The following TBC1D1 variants were observed in gnomAD, a reference collection of about 807,000 sequenced individuals.
TBC1D1 encodes the protein TBC1 (tre-2/USP6, BUB2, cdc16) domain family, member 1.
In TBC1D1, 89 loss-of-function variants were observed where a neutral mutation model predicts 125.6. The ratio of observed to expected loss-of-function variants is 0.71; its 90% CI spans 0.60 to 0.85. The LOEUF (loss-of-function observed/expected upper bound fraction) is 0.85, where lower values mean the gene tolerates loss of function less well. Ranked by LOEUF, TBC1D1 falls within the 40% of genes least tolerant of loss-of-function variation. The pLI is 0.00. For synonymous variants in TBC1D1, 565 were observed against 564.1 expected (o/e 1.00, Z -0.02); for missense variants, 1,377 against 1,469.2 (o/e 0.94, Z 1.03).
At chr4:38,012,509 A>C (rs1238776458) in intron 2 of TBC1D1, among the ~76,000 whole-genome samples, 5 of 152,194 alleles carry the variant, frequency 3.3e-5, no homozygotes, top group Non-Finnish European at 5.9e-5. Context: ...TCCTGAGCTC[A>C]AGCAATCCGC....
At chr4:38,091,481 C>A (rs1008655059) in intron 13 of TBC1D1, among the ~76,000 whole-genome samples, 1 of 152,206 alleles carries the variant, frequency 6.6e-6, no homozygotes, top group African/African-American at 2.4e-5. Context: ...CATGTGTCAT[C>A]AGTTAAATGA....
chr4:37,983,804 T>C (rs1345298528), intron 2 of TBC1D1, among the ~76,000 whole-genome samples: 5 of 152,226 alleles, frequency 3.3e-5, no homozygotes, highest in African/African-American at 9.6e-5. Context: ...GTTGGTGATA[T>C]ACATTCTACA....
chr4:37,933,882 G>T (rs1723838216), intron 2 of TBC1D1, among the ~76,000 whole-genome samples: 1 of 152,154 alleles, frequency 6.6e-6, no homozygotes, highest in Non-Finnish European at 1.5e-5. Context: ...GAAAAAAAAG[G>T]CACTTTCAAG....
At chr4:37,892,000 A>C (rs984692255) in intron 1 of TBC1D1, among the ~76,000 whole-genome samples, 4 of 151,970 alleles carry the variant, frequency 2.6e-5, no homozygotes, top group African/African-American at 7.3e-5. Flanking sequence ...ATTTTACTTA[A>C]CATAGCTTAT....
At chr4:37,891,397 C>T (rs1443034860) in intron 1 of TBC1D1, 49 bp downstream of exon 1, 1 of 152,424 alleles carries the variant, frequency 6.6e-6, no homozygotes, top group East Asian at 1.9e-4. Context: ...TGGCTCCTCT[C>T]GGGGCGTCGC....
chr4:37,902,220 G>A lies in TBC1D1; in HGVS notation c.125G>A (p.Trp42Ter). The change falls in exon 2 of 20, where the codon TGG (tryptophan) becomes TAG (stop). Residue 42 changes from tryptophan (W) to a stop codon, truncating the protein, a stop_gained. Transcript: ENST00000261439. LOFTEE classifies it high-confidence loss of function. ...CTGACCACCATGCCCATGCTGCCCT[G>A]GGTTGTGGCTGAGGTGCGAAGACTC... is the stretch of plus-strand genomic sequence containing the variant. The A allele has an allele frequency of 6.2e-7, 1 of 1,614,074 alleles. No individual in the cohort carries two copies.
At chr4:38,023,172 G>T (rs1014496225) in intron 6 of TBC1D1, among the ~76,000 whole-genome samples, 1 of 151,560 alleles carries the variant, frequency 6.6e-6, no homozygotes, top group Non-Finnish European at 1.5e-5. Flanking sequence ...ATTTGAGCCC[G>T]GGAGATGGAG....
chr4:38,026,320 T>C (rs1034496100), intron 6 of TBC1D1, among the ~76,000 whole-genome samples: 3 of 152,240 alleles, frequency 2.0e-5, no homozygotes, highest in Admixed American at 2.0e-4. Flanking sequence ...GGTTGTGGGC[T>C]CTGCCTCAGC....
chr4:38,108,629 T>C (rs1761730207), intron 15 of TBC1D1, among the ~76,000 whole-genome samples: 1 of 152,220 alleles, frequency 6.6e-6, no homozygotes, highest in Admixed American at 6.5e-5. Context: ...ACGCTAAGCG[T>C]GTGTCCAGAC....
intron 2 of TBC1D1, among the ~76,000 whole-genome samples, chr4:37,996,774 A>T (rs1737896739): frequency 6.6e-6 from 1 of 152,186 alleles, no homozygotes; most frequent in Non-Finnish European, 1.5e-5. Context: ...ATGACCATGG[A>T]CCTCAAAGAT....
At chr4:38,122,868 T>A (rs948684904) in intron 17 of TBC1D1, among the ~76,000 whole-genome samples, 6 of 152,232 alleles carry the variant, frequency 3.9e-5, no homozygotes, top group Non-Finnish European at 2.9e-5. Context: ...ATGTCTTAAT[T>A]TTTTAACATA....
chr4:37,972,890 G>A (rs1490004050), intron 2 of TBC1D1, among the ~76,000 whole-genome samples: 5 of 125,362 alleles, frequency 4.0e-5, no homozygotes, highest in Admixed American at 1.8e-4. Context: ...CAACAAGAGC[G>A]AAACTCCATC....
chr4:37,952,021 T>C (rs1727983743), intron 2 of TBC1D1: 1 of 717,648 alleles, frequency 1.4e-6, no homozygotes, highest in Non-Finnish European at 2.6e-6. Context: ...ATCATCACTG[T>C]AGGGGACCTT....
chr4:38,108,047 G>T (rs572170806), intron 15 of TBC1D1, among the ~76,000 whole-genome samples: 1 of 152,284 alleles, frequency 6.6e-6, no homozygotes, highest in South Asian at 2.1e-4. Flanking sequence ...TCAGGAGCCT[G>T]CCCCACCCAT....
rs780426415 is a variant in TBC1D1, at chr4:38,133,206, A to T, written c.3255A>T (p.Lys1085Asn). The T allele has an allele frequency of 6.2e-7, 1 of 1,614,224 alleles. No individual in the cohort carries two copies. Among genetic ancestry groups the T allele is most frequent in the Non-Finnish European group, 8.5e-7 (1 of 1,180,032 alleles). Residue 1085 changes from lysine to asparagine, a missense_variant, in exon 19 of 20, where the codon AAA becomes AAT. Physicochemically the swap from Lys to Asn is moderately conservative, Grantham distance 94. Transcript: ENST00000261439. ...ACCAAAGAATGGATAAATTAGAGAA[A>T]ACCAACAGCAGCTTACGCAAACAGA...
intron 12 of TBC1D1, among the ~76,000 whole-genome samples, chr4:38,088,095 C>G (rs1487467794): frequency 6.6e-6 from 1 of 151,638 alleles, no homozygotes; most frequent in East Asian, 1.9e-4. Context: ...TGAGGTAAAG[C>G]AGAACTTTAA....
chr4:38,031,942 A>C (rs1318549499), intron 7 of TBC1D1, among the ~76,000 whole-genome samples: 1 of 152,260 alleles, frequency 6.6e-6, no homozygotes, highest in Non-Finnish European at 1.5e-5. Context: ...TGCATATAGA[A>C]AAGCAAACAA....
intron 2 of TBC1D1, among the ~76,000 whole-genome samples, chr4:37,926,484 G>A (rs1334389711): frequency 2.0e-5 from 3 of 152,278 alleles, no homozygotes; most frequent in East Asian, 1.9e-4. Context: ...AGGTACCCTC[G>A]TTCAGCAATC....
At chr4:38,061,672 A>T (rs1401567748) in intron 12 of TBC1D1, among the ~76,000 whole-genome samples, 5 of 152,194 alleles carry the variant, frequency 3.3e-5, no homozygotes, top group Non-Finnish European at 7.4e-5. Context: ...TGTCTTGTGG[A>T]TGTAGCTATG....
Sources: gnomAD v4.1 joint callset for allele counts (sites outside exome capture counted in the v4.1 genomes callset) on GRCh38, gnomAD v4.1.1 for gene constraint, MANE v1.5 for transcripts, NCBI Gene and HGNC (gene_info 2026-07-23, HGNC 2026-07-21) for gene names.